The following ENPP6 variants were observed in gnomAD, a reference collection of about 807,000 sequenced individuals.
The protein encoded by ENPP6 is ectonucleotide pyrophosphatase/phosphodiesterase 6.
ENPP6 carries 32 observed loss-of-function variants against 42.0 expected under a neutral mutation model. The ratio of observed to expected loss-of-function variants is 0.76; its 90% CI spans 0.58 to 1.02. The LOEUF (loss-of-function observed/expected upper bound fraction) is 1.02. Among genes scored for constraint, ENPP6 ranks in the 50% least tolerant of loss-of-function variants. The pLI, the probability that ENPP6 is intolerant of heterozygous loss-of-function variation, is 0.00. For synonymous variants in ENPP6, 213 were observed against 216.0 expected (o/e 0.99, Z 0.12); for missense variants, 552 against 566.8 (o/e 0.97, Z 0.27).
intron 1 of ENPP6, among the ~76,000 whole-genome samples, chr4:184,213,037 T>A (rs1579670829): frequency 6.6e-6 from 1 of 151,944 alleles, no homozygotes; most frequent in African/African-American, 2.4e-5. Flanking sequence ...GCTAGCCATA[T>A]GGAGAAAGCT....
chr4:184,210,150 C>T (rs1236747041), intron 1 of ENPP6, among the ~76,000 whole-genome samples: 14 of 151,264 alleles, frequency 9.3e-5, no homozygotes, highest in Admixed American at 9.2e-4. Context: ...GTATAAAGAC[C>T]ATCGAGACTA....
chr4:184,159,128 T>C (rs1420496294), intron 1 of ENPP6, among the ~76,000 whole-genome samples: 1 of 152,248 alleles, frequency 6.6e-6, no homozygotes, highest in Non-Finnish European at 1.5e-5. Context: ...TCTCCGATTG[T>C]ATCATCAATA....
chr4:184,187,333 G>T (rs781708211), intron 1 of ENPP6, among the ~76,000 whole-genome samples: 1 of 152,226 alleles, frequency 6.6e-6, no homozygotes, highest in Non-Finnish European at 1.5e-5. Context: ...GGACTTAAAG[G>T]AGCAGCAGCT....
At chr4:184,121,947 T>A (rs774619978) in intron 3 of ENPP6, among the ~76,000 whole-genome samples, 1 of 152,206 alleles carries the variant, frequency 6.6e-6, no homozygotes, top group Non-Finnish European at 1.5e-5. Flanking sequence ...GCTTCCTGTG[T>A]CTTCAGGGGA....
chr4:184,097,582 G>A (rs181674991), intron 6 of ENPP6, among the ~76,000 whole-genome samples: 1 of 152,288 alleles, frequency 6.6e-6, no homozygotes, highest in East Asian at 1.9e-4. Flanking sequence ...TGGTTAACAA[G>A]GTGTTTTCCT....
chr4:184,204,142 C>A (rs759471683), intron 1 of ENPP6: 11 of 152,158 alleles, frequency 7.2e-5, no homozygotes, highest in African/African-American at 2.4e-4. Context: ...AAGATACCAG[C>A]GATACTGGAT....
At chr4:184,171,447 G>T (rs985731862) in intron 1 of ENPP6, among the ~76,000 whole-genome samples, 2 of 152,320 alleles carry the variant, frequency 1.3e-5, no homozygotes, top group East Asian at 1.9e-4. Flanking sequence ...GTCCACTCAG[G>T]TTCAAAAAGA....
intron 1 of ENPP6, among the ~76,000 whole-genome samples, chr4:184,197,231 C>T (rs1255624712): frequency 6.6e-6 from 1 of 152,150 alleles, no homozygotes; most frequent in East Asian, 1.9e-4. Flanking sequence ...CGTGGCTCCA[C>T]CTCCCCCTGG....
chr4:184,187,629 C>T (rs1732652296), intron 1 of ENPP6, among the ~76,000 whole-genome samples: 1 of 152,192 alleles, frequency 6.6e-6, no homozygotes, highest in South Asian at 2.1e-4. Flanking sequence ...CATTTGCAGA[C>T]CACCCTAGGT....
chr4:184,203,228 A>T (rs1427742646), intron 1 of ENPP6, among the ~76,000 whole-genome samples: 1 of 152,146 alleles, frequency 6.6e-6, no homozygotes, highest in Non-Finnish European at 1.5e-5. Context: ...TCCAGCCTGG[A>T]TGATAGGACG....
chr4:184,209,893 A>G lies in ENPP6; in HGVS notation c.241+7686T>C, dbSNP rs1256480002. Among the ~76,000 whole-genome samples the G allele has an allele frequency of 1.1e-4, 15 of 137,238 alleles. No homozygotes were observed. The East Asian group carries it at 3.1e-3, about 28-fold the overall frequency. 90.0% of individuals were successfully genotyped at this position (137,238 alleles called of 152,430 possible). ...TCAGACTAACAGTGGATCTCTCGGC[A>G]GAAACCCTACAAGCCAGAAGAGAGT... On this transcript the variant is annotated intron_variant, in intron 1 of 7. Coordinates refer to ENST00000296741, the MANE Select transcript of ENPP6 (RefSeq NM_153343.4).
At chr4:184,161,701 G>A (rs369181959) in intron 1 of ENPP6, among the ~76,000 whole-genome samples, 8 of 152,048 alleles carry the variant, frequency 5.3e-5, no homozygotes, top group African/African-American at 1.4e-4. Flanking sequence ...CTACTCAGCC[G>A]TGAAAAGGAA....
chr4:184,101,927 G>A (rs1736010773), intron 6 of ENPP6, among the ~76,000 whole-genome samples: 1 of 152,204 alleles, frequency 6.6e-6, no homozygotes, highest in Admixed American at 6.5e-5. Context: ...GCCGCTGCGA[G>A]GGTGCCTTCA....
chr4:184,201,990 C>T (rs568664160), intron 1 of ENPP6, among the ~76,000 whole-genome samples: 1 of 152,282 alleles, frequency 6.6e-6, no homozygotes, highest in South Asian at 2.1e-4. Flanking sequence ...TCTCTACCAG[C>T]TGGGTAGCAA....
At chr4:184,151,840 G>T (rs1313313992) in intron 2 of ENPP6, among the ~76,000 whole-genome samples, 1 of 152,196 alleles carries the variant, frequency 6.6e-6, no homozygotes, top group Non-Finnish European at 1.5e-5. Flanking sequence ...CCTCTAGCAA[G>T]CCTGATGAGC....
At chr4:184,123,914 TA>T (rs1056744107) in intron 3 of ENPP6, among the ~76,000 whole-genome samples, 1 of 152,166 alleles carries the variant, frequency 6.6e-6, no homozygotes. Context: ...TTTAACAACA[TA>T]AAAAAGGAGA....
intron 3 of ENPP6, among the ~76,000 whole-genome samples, chr4:184,123,042 C>A (rs1297530543): frequency 6.6e-6 from 1 of 152,212 alleles, no homozygotes; most frequent in Non-Finnish European, 1.5e-5. Flanking sequence ...TCTCTCCGAC[C>A]TGTCAATGAG....
chr4:184,161,056 A>G (rs1737249818), intron 1 of ENPP6, among the ~76,000 whole-genome samples: 1 of 152,234 alleles, frequency 6.6e-6, no homozygotes, highest in African/African-American at 2.4e-5. Flanking sequence ...ATGGGACTTA[A>G]TTAAACTAAA....
At chr4:184,177,071 G>T (rs938008262) in intron 1 of ENPP6, among the ~76,000 whole-genome samples, 4 of 152,222 alleles carry the variant, frequency 2.6e-5, no homozygotes, top group South Asian at 4.1e-4. Context: ...GAGCTGTGCA[G>T]ATTCTCAGTG....
Sources: allele counts gnomAD v4.1 joint callset (sites outside exome capture counted in the v4.1 genomes callset), GRCh38; gene constraint gnomAD v4.1.1; transcripts MANE v1.5; gene names NCBI Gene and HGNC (gene_info 2026-07-23, HGNC 2026-07-21).